CFAP20DC: variants seen among roughly 807,000 people sequenced by gnomAD.
CFAP20DC encodes protein CFAP20DC.
Under a neutral mutation model 101.7 loss-of-function variants are expected in CFAP20DC, and 84 were observed. The ratio of observed to expected loss-of-function variants is 0.83; its 90% CI spans 0.69 to 0.99. The LOEUF (loss-of-function observed/expected upper bound fraction) is 0.99. Ranked by LOEUF, CFAP20DC falls within the 50% of genes least tolerant of loss-of-function variation. The pLI is 0.00. For synonymous variants in CFAP20DC, 359 were observed against 351.2 expected (o/e 1.02, Z -0.25); for missense variants, 1,007 against 970.3 (o/e 1.04, Z -0.50).
Position 58,890,524 on chromosome 3 carries a change from G to A in CFAP20DC, c.551-5815C>T, listed in dbSNP as rs547269312. ...CCAGTAGGGGCAGCCGGGCAGAGGC[G>A]CCCCTCACCTCCCAGACGGGGCGGC... On this transcript the variant is annotated intron_variant, in intron 6 of 16. Coordinates refer to ENST00000482387, the MANE Select transcript of CFAP20DC (RefSeq NM_001394063.1). Among the ~76,000 whole-genome samples the A allele has an allele frequency of 3.8e-4, 54 of 142,954 alleles. 1 individual carries two copies. In the East Asian group the frequency reaches 7.5e-3, roughly 20 times the overall value. The allele number at this position is 142,954 out of a possible 152,430, so 93.8% of individuals were successfully genotyped here.
intron 15 of CFAP20DC, among the ~76,000 whole-genome samples, chr3:58,756,338 CACTT>C (rs1442433313): frequency 3.3e-5 from 5 of 152,132 alleles, no homozygotes; most frequent in South Asian, 2.1e-4. Context: ...AAACAAGAAA[CACTT>C]ACCCTAAACC....
At chr3:58,985,319 C>T (rs1308909471) in intron 4 of CFAP20DC, among the ~76,000 whole-genome samples, 1 of 151,978 alleles carries the variant, frequency 6.6e-6, no homozygotes, top group Non-Finnish European at 1.5e-5. Context: ...GAAGTATATT[C>T]CTTCCTCTTC....
Position 59,009,897 on chromosome 3 carries a change from G to A in CFAP20DC, c.278+29660C>T, listed in dbSNP as rs146164715. Among the ~76,000 whole-genome samples the A allele has an allele frequency of 1.4e-4, 21 of 152,234 alleles. No individual in the cohort carries two copies. In the East Asian group the frequency reaches 2.3e-3, roughly 17 times the overall value. On this transcript the variant is annotated intron_variant, in intron 4 of 16. Transcript: ENST00000482387. ...ACTTTACAAGCCAGAAGGGATTGGC[G>A]TCTTATCTGTAGACTCCTTAAACAA...
At chr3:58,805,132 A>G (rs1219593152) in intron 15 of CFAP20DC, among the ~76,000 whole-genome samples, 1 of 152,214 alleles carries the variant, frequency 6.6e-6, no homozygotes, top group African/African-American at 2.4e-5. Context: ...GGCTCAAGCT[A>G]CACTAATCAC....
At chr3:58,952,451 T>A (rs1056423587) in intron 4 of CFAP20DC, among the ~76,000 whole-genome samples, 1 of 152,154 alleles carries the variant, frequency 6.6e-6, no homozygotes, top group Non-Finnish European at 1.5e-5. Context: ...AGATTGACTG[T>A]CACCGTATTG....
At chr3:58,806,558 C>A (rs947707926) in intron 14 of CFAP20DC, 102 bp from the exon 15 acceptor site, 4 of 878,396 alleles carry the variant, frequency 4.6e-6, no homozygotes, top group Admixed American at 1.8e-5. Flanking sequence ...TCAGACACAA[C>A]CCACAAGAAG....
chr3:58,845,799 A>G (rs2108257745), intron 13 of CFAP20DC, among the ~76,000 whole-genome samples: 2 of 150,686 alleles, frequency 1.3e-5, no homozygotes, highest in East Asian at 3.9e-4. Flanking sequence ...GCAGCACATC[A>G]AAAAGCTTAT....
chr3:58,846,749 A>G lies in CFAP20DC; in HGVS notation c.1971+2283T>C, dbSNP rs1226811111. Reference sequence around the variant, plus strand: ...AGAACAAAGCTGGAGGCATCACACTACCTGACTTCAAACTATACTACAAGG... The same window carrying G: ...AGAACAAAGCTGGAGGCATCACACTGCCTGACTTCAAACTATACTACAAGG... On this transcript the variant is annotated intron_variant, in intron 13 of 16. Coordinates refer to ENST00000482387, the MANE Select transcript of CFAP20DC (RefSeq NM_001394063.1). Among the ~76,000 whole-genome samples the G allele has an allele frequency of 5.9e-3, 872 of 147,414 alleles. 6 individuals carry two copies. Among genetic ancestry groups the G allele is most frequent in the Admixed American group, 8.5e-3 (125 of 14,738 alleles).
chr3:59,048,974 T>C (rs913879455), intron 1 of CFAP20DC, among the ~76,000 whole-genome samples: 5 of 152,116 alleles, frequency 3.3e-5, no homozygotes, highest in Non-Finnish European at 5.9e-5. Context: ...ACCCCCTGCA[T>C]AGGAATCACT....
At chr3:59,049,456 T>A (rs1464258491) in intron 1 of CFAP20DC, among the ~76,000 whole-genome samples, 155 bp downstream of exon 1, 3 of 152,304 alleles carry the variant, frequency 2.0e-5, no homozygotes, top group African/African-American at 7.2e-5. Flanking sequence ...TTTCCTTCTC[T>A]CTGGGTCAAC....
At position 58,894,691 on chromosome 3, in the gene CFAP20DC, A is replaced by G. The variant is rs1263041780; in HGVS notation, c.551-9982T>C. ...TGGAGGATGGTGGCCCTCTTCTTACAGCTCCACTAGATGGTGCCCCAGTAG... is the reference window on the plus strand; with the variant it reads ...TGGAGGATGGTGGCCCTCTTCTTACGGCTCCACTAGATGGTGCCCCAGTAG... On this transcript the variant is annotated intron_variant, in intron 6 of 16. Coordinates refer to ENST00000482387, the MANE Select transcript of CFAP20DC (RefSeq NM_001394063.1). The surrounding 1 kb of genome is among the most constrained non-coding windows in gnomAD (Gnocchi z 4.1). Among the ~76,000 whole-genome samples, 1 of 152,156 alleles carries G rather than the reference A, an allele frequency of 6.6e-6. No individual in the cohort carries two copies. The highest frequency in any genetic ancestry group is 2.4e-5 in the African/African-American group (1 of 41,450).
chr3:58,739,156 T>C (rs1386443885), downstream of CFAP20DC, among the ~76,000 whole-genome samples: 3 of 152,204 alleles, frequency 2.0e-5, no homozygotes, highest in African/African-American at 7.2e-5. Context: ...TTAATAAAAG[T>C]TAAATTAATT....
In CFAP20DC at chr3:58,870,181, A is replaced by G. The variant is rs780278997; in HGVS notation, c.844T>C (p.Ser282Pro). The G allele has an allele frequency of 6.2e-7, 1 of 1,610,036 alleles. No individual in the cohort carries two copies. The highest frequency in any genetic ancestry group is 1.1e-5 in the South Asian group (1 of 91,036). ...LSGRRNNMKI[S>P]SETVRSVGSK... ...CCAAACCTTGCTCCTACCTCGCTGG[A>G]TATCTTCATGTTATTCCTTCTGCCA... The change falls in exon 8 of 17, where the codon TCC becomes CCC. Residue 282 changes from serine to proline, a missense_variant. Physicochemically the swap from Ser to Pro is moderately conservative, Grantham distance 74. Coordinates refer to ENST00000482387, the MANE Select transcript of CFAP20DC (RefSeq NM_001394063.1).
At position 59,016,247 on chromosome 3, in the gene CFAP20DC, T is replaced by C. The variant is rs140272361; in HGVS notation, c.278+23310A>G. Among the ~76,000 whole-genome samples the C allele has an allele frequency of 2.5e-3, 382 of 152,176 alleles. 2 individuals are homozygous for C. Among genetic ancestry groups the C allele is most frequent in the African/African-American group, 8.6e-3 (356 of 41,524 alleles). The stretch of plus-strand genomic sequence containing the variant: ...CAGCAACATGGATGAGGCTGGAGGA[T>C]ATTATGTTAAGTGAACTAAGTCAGA... On this transcript the variant is annotated intron_variant, in intron 4 of 16. Coordinates refer to ENST00000482387, the MANE Select transcript of CFAP20DC (RefSeq NM_001394063.1).
chr3:58,903,272 C>T (rs1376714553), intron 6 of CFAP20DC, among the ~76,000 whole-genome samples: 1 of 152,104 alleles, frequency 6.6e-6, no homozygotes, highest in African/African-American at 2.4e-5. Context: ...AAGAGTTTTA[C>T]AGTTTCAGCT....
At chr3:58,805,847 C>T (rs557330079) in intron 15 of CFAP20DC, among the ~76,000 whole-genome samples, 1 of 152,232 alleles carries the variant, frequency 6.6e-6, no homozygotes, top group East Asian at 1.9e-4. Context: ...ATGACTCATA[C>T]ACCAATGACA....
In CFAP20DC at chr3:58,724,635, C is replaced by T. The variant is rs773204114; in HGVS notation, c.198-7007G>A. On this transcript the variant is annotated intron_variant, in intron 3 of 3. Transcript: ENST00000486145. This position sits in a 1 kb window ranked among gnomAD's most constrained non-coding sequence, Gnocchi z 5.6. ...ACTGCCACCCTTTCACTGTTTCGCC[C>T]GGAACATCTGCTTCTTAGATCTAAG... 6.0e-4 allele frequency among the ~76,000 whole-genome samples: 92 copies of T among 152,314 alleles called. No individual in the cohort carries two copies. The highest frequency in any genetic ancestry group is 1.0e-3 in the South Asian group (5 of 4,822).
intron 4 of CFAP20DC, among the ~76,000 whole-genome samples, chr3:58,958,226 C>A (rs1241306872): frequency 6.6e-6 from 1 of 152,116 alleles, no homozygotes; most frequent in South Asian, 2.1e-4. Flanking sequence ...CAATACCAAT[C>A]TGGTTTTGGT....
At chr3:58,727,510 C>G (rs1369100932) in intron 3 of CFAP20DC, 1 of 152,240 alleles carries the variant, frequency 6.6e-6, no homozygotes, top group Non-Finnish European at 1.5e-5. Context: ...AATCTCGGCT[C>G]ACTGGAAGCT....
Sources: gnomAD v4.1 joint callset for allele counts (sites outside exome capture counted in the v4.1 genomes callset) on GRCh38, gnomAD v4.1.1 for gene constraint, Gnocchi (gnomAD v3.1) non-coding constraint, MANE v1.5 for transcripts, NCBI Gene and HGNC (gene_info 2026-07-23, HGNC 2026-07-21) for gene names.